The following DSCAM variants were observed in gnomAD, a reference collection of about 807,000 sequenced individuals.
DSCAM encodes the protein cell adhesion molecule DSCAM.
DSCAM carries 47 observed loss-of-function variants against 217.7 expected under a neutral mutation model. The ratio of observed to expected loss-of-function variants is 0.22; its 90% confidence interval spans 0.17 to 0.28. The LOEUF is 0.28. Among genes scored for constraint, DSCAM ranks in the 10% least tolerant of loss-of-function variants. The probability of loss-of-function intolerance (pLI) is 1.00; values close to 1 mark genes in which losing one functional copy is unlikely to be tolerated. For missense variants in DSCAM, 2,080 were observed against 2,618.3 expected, an observed-to-expected ratio of 0.79 and a Z score of 4.49; for synonymous variants, 1,056 against 1,015.3, an observed-to-expected ratio of 1.04 and a Z score of -0.76.
At chr21:40,638,838 A>C (rs888788141) in intron 3 of DSCAM, among the ~76,000 whole-genome samples, 5 of 152,210 alleles carry the variant, frequency 3.3e-5, no homozygotes, top group Non-Finnish European at 7.3e-5. Context: ...TGCTTTGATT[A>C]AGAGTAATTA....
chr21:40,813,925 A>G (rs2091859705), intron 1 of DSCAM, among the ~76,000 whole-genome samples: 1 of 152,084 alleles, frequency 6.6e-6, no homozygotes, highest in South Asian at 2.1e-4. Flanking sequence ...GATTACAGGT[A>G]TGAGCCCCTG....
At chr21:40,191,043 T>C (rs1055321346) in intron 11 of DSCAM, among the ~76,000 whole-genome samples, 12 of 152,202 alleles carry the variant, frequency 7.9e-5, no homozygotes, top group African/African-American at 2.9e-4. Flanking sequence ...CCTTCCCCCA[T>C]TTCTGAGGTC....
intron 3 of DSCAM, among the ~76,000 whole-genome samples, chr21:40,592,049 G>T (rs2076988051): frequency 6.6e-6 from 1 of 152,124 alleles, no homozygotes; most frequent in African/African-American, 2.4e-5. Flanking sequence ...ACAACATCCT[G>T]CTGGCATTCA....
intron 3 of DSCAM, among the ~76,000 whole-genome samples, chr21:40,436,207 T>C (rs894079005): frequency 6.6e-6 from 1 of 152,232 alleles, no homozygotes; most frequent in Non-Finnish European, 1.5e-5. Flanking sequence ...TTTGTGCCAA[T>C]TAAATTAAAG....
At chr21:40,671,338 C>T (rs766885881) in intron 3 of DSCAM, among the ~76,000 whole-genome samples, 6 of 152,114 alleles carry the variant, frequency 3.9e-5, no homozygotes, top group South Asian at 2.1e-4. Context: ...GAAGAAAAGG[C>T]GAACAGACTA....
intron 11 of DSCAM, among the ~76,000 whole-genome samples, chr21:40,199,369 A>C (rs57268562): frequency 1.3e-5 from 2 of 152,096 alleles, no homozygotes; most frequent in African/African-American, 2.4e-5. Flanking sequence ...TCATGTATAC[A>C]TGCCACATTT....
At chr21:40,076,520 A>G (rs1253800755) in intron 26 of DSCAM, among the ~76,000 whole-genome samples, 2 of 152,232 alleles carry the variant, frequency 1.3e-5, no homozygotes, top group Non-Finnish European at 2.9e-5. Flanking sequence ...TCTCAAGGAA[A>G]ATATAAATAT....
At chr21:40,410,220 A>G (rs1240443610) in intron 3 of DSCAM, among the ~76,000 whole-genome samples, 1 of 152,170 alleles carries the variant, frequency 6.6e-6, no homozygotes, top group Non-Finnish European at 1.5e-5. Context: ...ATGAAAAATT[A>G]TCATTGGTTG....
intron 3 of DSCAM, among the ~76,000 whole-genome samples, chr21:40,453,040 T>TTG (rs3069917): frequency 0.077 from 10,265 of 134,122 alleles, 347 homozygotes; most frequent in East Asian, 0.11. Flanking sequence ...TTTAAAGACT[T>TTG]TGTGTGTGTG....
rs916498242 is a variant in DSCAM, at chr21:40,012,636, A to G, written c.*398T>C. ...GACTGAAGTTTTCCCCTGCCCGCAAATCGGTGTTCCTTTTAAATTCACAAA... is the reference window on the plus strand; with the variant it reads ...GACTGAAGTTTTCCCCTGCCCGCAAGTCGGTGTTCCTTTTAAATTCACAAA... On this transcript the variant is annotated 3_prime_UTR_variant, in exon 33 of 33. Coordinates refer to ENST00000400454, the MANE Select transcript of DSCAM (RefSeq NM_001389.5). 1.3e-5 allele frequency: 2 copies of G among 153,504 alleles called. No homozygotes were observed. The highest frequency in any genetic ancestry group is 1.3e-4 in the Admixed American group (2 of 15,288). 9.5% of individuals were successfully genotyped at this position (153,504 alleles called of 1,614,324 possible).
Position 40,733,198 on chromosome 21 carries a change from G to T in DSCAM, c.44-24427C>A, listed in dbSNP as rs188631730. 1.6e-4 allele frequency among the ~76,000 whole-genome samples: 25 copies of T among 152,308 alleles called. 1 individual carries two copies. The East Asian group carries it at 4.6e-3, about 28-fold the overall frequency. On this transcript the variant is annotated intron_variant, in intron 1 of 32. Transcript: ENST00000400454. Reference sequence around the variant, plus strand: ...TAACCCACTGGAGAGGCACTTACAGGGAGGCAGGCTGGAGACAAGTGCCAG... The same window carrying T: ...TAACCCACTGGAGAGGCACTTACAGTGAGGCAGGCTGGAGACAAGTGCCAG...
At chr21:40,576,287 A>C (rs1361981235) in intron 3 of DSCAM, among the ~76,000 whole-genome samples, 1 of 152,230 alleles carries the variant, frequency 6.6e-6, no homozygotes, top group Non-Finnish European at 1.5e-5. Flanking sequence ...GAAGTATTAT[A>C]ATTTAAAAGA....
chr21:40,607,777 G>A (rs1396446507), intron 3 of DSCAM, among the ~76,000 whole-genome samples: 3 of 152,130 alleles, frequency 2.0e-5, no homozygotes. Flanking sequence ...CCCCAGCCAC[G>A]TGGAACTGTG....
At chr21:40,418,547 A>C (rs561947350) in intron 3 of DSCAM, among the ~76,000 whole-genome samples, 2 of 150,506 alleles carry the variant, frequency 1.3e-5, no homozygotes, top group Admixed American at 1.3e-4. Context: ...CAATCAAAGC[A>C]AGCCTTCTTT....
intron 11 of DSCAM, among the ~76,000 whole-genome samples, chr21:40,189,656 T>G (rs2090934061): frequency 6.6e-6 from 1 of 152,044 alleles, no homozygotes. Context: ...TTTCCCATGC[T>G]GTTCTCATGA....
chr21:40,320,346 A>G (rs541751889), intron 8 of DSCAM, among the ~76,000 whole-genome samples: 3 of 152,278 alleles, frequency 2.0e-5, no homozygotes, highest in East Asian at 3.9e-4. Context: ...TTTTTCCTAT[A>G]TAGAATTATT....
intron 3 of DSCAM, among the ~76,000 whole-genome samples, chr21:40,579,352 A>T (rs1469550513): frequency 6.6e-6 from 1 of 152,176 alleles, no homozygotes; most frequent in African/African-American, 2.4e-5. Context: ...GATTTGATGA[A>T]ATCACCCAAA....
intron 3 of DSCAM, among the ~76,000 whole-genome samples, chr21:40,529,086 A>G (rs771819098): frequency 6.6e-6 from 1 of 151,524 alleles, no homozygotes; most frequent in Non-Finnish European, 1.5e-5. Flanking sequence ...TTGTATTTTT[A>G]GTAGAGATGG....
intron 3 of DSCAM, among the ~76,000 whole-genome samples, chr21:40,538,219 T>C (rs2076514956): frequency 6.6e-6 from 1 of 152,116 alleles, no homozygotes; most frequent in African/African-American, 2.4e-5. Context: ...GTCACGTGTT[T>C]GATCAAGAGA....
Sources: allele counts gnomAD v4.1 joint callset (sites outside exome capture counted in the v4.1 genomes callset), GRCh38; gene constraint gnomAD v4.1.1; transcripts MANE v1.5; gene names NCBI Gene and HGNC (gene_info 2026-07-23, HGNC 2026-07-21).